KIT: variants seen among roughly 807,000 people sequenced by gnomAD.
The protein encoded by KIT is mast/stem cell growth factor receptor Kit.
KIT carries 16 observed loss-of-function variants against 105.7 expected under a neutral mutation model. That is an observed-to-expected ratio of 0.15 (90% CI 0.10 to 0.23). The LOEUF (loss-of-function observed/expected upper bound fraction) is 0.23, where lower values mean the gene tolerates loss of function less well. Among genes scored for constraint, KIT ranks in the 10% least tolerant of loss-of-function variants. The pLI is 1.00. For missense variants in KIT, 858 were observed against 1,213.8 expected (o/e 0.71, Z 4.36); for synonymous variants, 438 against 441.1 (o/e 0.99, Z 0.09).
At chr4:54,667,488 G>A (rs17084612) in intron 1 of KIT, among the ~76,000 whole-genome samples, 7,329 of 152,258 alleles carry the variant, frequency 0.048, 237 homozygotes, top group African/African-American at 0.089. Flanking sequence ...TTGGTTTGGA[G>A]GACATAGGCA....
intron 1 of KIT, among the ~76,000 whole-genome samples, chr4:54,669,480 G>T (rs536964401): frequency 5.1e-4 from 78 of 152,334 alleles, no homozygotes; most frequent in African/African-American, 1.9e-3. Flanking sequence ...CGGTACAGCA[G>T]GGGTACTTAA....
intron 11 of KIT, 33 bp from the exon 12 acceptor site, chr4:54,727,790 T>G: frequency 6.4e-7 from 1 of 1,555,404 alleles, no homozygotes; most frequent in Non-Finnish European, 8.9e-7. Context: ...ACCAGCACCA[T>G]CACCACTTAC....
chr4:54,699,709 C>A lies in KIT; in HGVS notation c.699C>A (p.Cys233Ter), dbSNP rs1182561091. The A allele has an allele frequency of 6.2e-7, 1 of 1,613,884 alleles. No individual in the cohort carries two copies. The change falls in exon 4 of 21, where the codon TGC becomes TGA. Residue 233 changes from cysteine to a stop codon, truncating the protein, a stop_gained. Transcript: ENST00000288135. LOFTEE classifies it high-confidence loss of function. ...AAGGGGAAGAATTCACAGTGACGTGCACAATAAAAGATGTGTCTAGTTCTG... is the reference window on the plus strand; with the variant it reads ...AAGGGGAAGAATTCACAGTGACGTGAACAATAAAAGATGTGTCTAGTTCTG... ...LREGEEFTVT[C>*]TIKDVSSSVY...
At chr4:54,701,048 A>G (rs3020821) in intron 4 of KIT, among the ~76,000 whole-genome samples, 76,201 of 152,182 alleles carry the variant, frequency 0.5, 19,459 homozygotes, top group East Asian at 0.76. Flanking sequence ...TGTGCATTTG[A>G]GCCTCTGTAT....
chr4:54,670,544 T>C (rs188768061), intron 1 of KIT, among the ~76,000 whole-genome samples: 1 of 152,272 alleles, frequency 6.6e-6, no homozygotes, highest in Non-Finnish European at 1.5e-5. Flanking sequence ...AACCCCAAAG[T>C]ATGGCACCTT....
rs2109760424 is a variant in KIT at position 54,723,598 on chromosome 4, C to T, written c.1246C>T (p.Leu416=). ...NVYVNTKPEI[L]TYDRLVNGML... is the part of the protein sequence containing the mutation. ...TTTTCCTGTAGCAAAACCAGAAATC[C>T]TGACTTACGACAGGCTCGTGAATGG... Residue 416 remains leucine (L), a synonymous_variant, in exon 8 of 21, where the codon CTG becomes TTG. Transcript: ENST00000288135. 1.9e-6 allele frequency: 3 copies of T among 1,613,832 alleles called. No individual in the cohort carries two copies. Among genetic ancestry groups the T allele is most frequent in the Non-Finnish European group, 2.5e-6 (3 of 1,179,766 alleles).
chr4:54,693,325 G>A (rs1719840522), intron 1 of KIT, among the ~76,000 whole-genome samples: 1 of 152,204 alleles, frequency 6.6e-6, no homozygotes, highest in South Asian at 2.1e-4. Flanking sequence ...TGCCTTCTTT[G>A]CCACTTAGCC....
In KIT at chr4:54,681,059, G is replaced by A. The variant is rs564523731; in HGVS notation, c.68-14453G>A. Among the ~76,000 whole-genome samples, 5 of 152,182 alleles carry A rather than the reference G, an allele frequency of 3.3e-5. No individual in the cohort carries two copies. In the East Asian group the frequency reaches 9.7e-4, roughly 29 times the overall value. ...GACCTTTGCCATGCTCTTTTGACCT[G>A]TTTCTTTTTACTTTGTTCTGAATTG... On this transcript the variant is annotated intron_variant, in intron 1 of 20. Transcript: ENST00000288135.
intron 7 of KIT, among the ~76,000 whole-genome samples, chr4:54,717,023 G>A (rs1431520206): frequency 1.3e-5 from 2 of 152,270 alleles, no homozygotes; most frequent in African/African-American, 4.8e-5. Flanking sequence ...ATCTGACAGT[G>A]TTTGAACTCT....
intron 3 of KIT, among the ~76,000 whole-genome samples, chr4:54,699,055 T>G (rs918802531): frequency 3.3e-5 from 5 of 152,254 alleles, no homozygotes; most frequent in Non-Finnish European, 7.3e-5. Flanking sequence ...TGTGCCGTTA[T>G]GTAGAATATT....
At position 54,727,865 on chromosome 4, in the gene KIT, C is replaced by A. The variant is rs2109779697; in HGVS notation, c.1817C>A (p.Ala606Glu). The A allele has an allele frequency of 1.2e-6, 2 of 1,613,694 alleles. No individual in the cohort carries two copies. Among genetic ancestry groups the A allele is most frequent in the Non-Finnish European group, 1.7e-6 (2 of 1,179,998 alleles). The change falls in exon 12 of 21, where the codon GCA becomes GAA. Residue 606 changes from alanine (A) to glutamate (E), a missense_variant. Around this residue, in one of 7 missense-constraint regions of KIT, gnomAD observed 7 missense variants for 36.9 expected, o/e 0.19. Transcript: ENST00000288135. The stretch of plus-strand genomic sequence containing the variant: ...GGAGCTTTCGGGAAGGTTGTTGAGG[C>A]AACTGCTTATGGCTTAATTAAGTCA... ...GAGAFGKVVE[A>E]TAYGLIKSDA...
chr4:54,730,129 A>G (rs999796723), intron 14 of KIT, among the ~76,000 whole-genome samples: 18 of 152,184 alleles, frequency 1.2e-4, no homozygotes, highest in Non-Finnish European at 2.1e-4. Context: ...AGTTTGACTT[A>G]CAACCAGAAA....
chr4:54,658,284 C>T (rs1423143591), intron 1 of KIT, among the ~76,000 whole-genome samples: 1 of 152,094 alleles, frequency 6.6e-6, no homozygotes, highest in Non-Finnish European at 1.5e-5. Context: ...ACCCCAGCTG[C>T]TGGTGGTGGG....
chr4:54,662,437 T>C (rs1307954597), intron 1 of KIT, among the ~76,000 whole-genome samples: 1 of 152,246 alleles, frequency 6.6e-6, no homozygotes, highest in African/African-American at 2.4e-5. Flanking sequence ...GTAAAACTTT[T>C]AGAGTGGTGC....
At chr4:54,663,015 T>A (rs1717405191) in intron 1 of KIT, among the ~76,000 whole-genome samples, 1 of 129,106 alleles carries the variant, frequency 7.7e-6, no homozygotes. Flanking sequence ...ACTACACATC[T>A]TGTAAGATTC....
Position 54,703,510 on chromosome 4 carries a change from G to A in KIT, c.757-214G>A, listed in dbSNP as rs543359170. 5.7e-4 allele frequency among the ~76,000 whole-genome samples: 87 copies of A among 152,194 alleles called. 1 individual carries two copies. The highest frequency in any genetic ancestry group is 1.0e-3 in the Non-Finnish European group (69 of 67,978). ...ATGAATTTTCGTTTTTTTCCCAATC[G>A]TTAATAATGACTGTCTTTCAACATA... is the stretch of plus-strand genomic sequence containing the variant. On this transcript the variant is annotated intron_variant, in intron 4 of 20. Transcript: ENST00000288135.
At chr4:54,713,255 AC>A (rs1337131486) in intron 7 of KIT, among the ~76,000 whole-genome samples, 1 of 149,950 alleles carries the variant, frequency 6.7e-6, no homozygotes, top group African/African-American at 2.5e-5. Flanking sequence ...TTTATCCCTC[AC>A]CCCCCTCCCA....
chr4:54,717,310 C>A (rs902213082), intron 7 of KIT, among the ~76,000 whole-genome samples: 14 of 152,186 alleles, frequency 9.2e-5, no homozygotes, highest in African/African-American at 3.1e-4. Context: ...CAAAGGCTGG[C>A]ATCATTACTC....
chr4:54,664,078 G>A (rs1717500483), intron 1 of KIT, among the ~76,000 whole-genome samples: 1 of 152,112 alleles, frequency 6.6e-6, no homozygotes, highest in Non-Finnish European at 1.5e-5. Context: ...AATCTTGATG[G>A]GCAGGTAATA....
Sources: gnomAD v4.1 joint callset for allele counts (sites outside exome capture counted in the v4.1 genomes callset) on GRCh38, gnomAD v4.1.1 for gene constraint, gnomAD v4.1.1 regional missense constraint, MANE v1.5 for transcripts, NCBI Gene and HGNC (gene_info 2026-07-23, HGNC 2026-07-21) for gene names.